The following SLC7A1 variants were observed in gnomAD, a reference collection of about 807,000 sequenced individuals.
SLC7A1 encodes the protein solute carrier family 7 member 1.
In SLC7A1, 10 loss-of-function variants were observed where a neutral mutation model predicts 53.9. The observed-to-expected ratio is 0.19, with a 90% CI of 0.11 to 0.31. SLC7A1 has a LOEUF of 0.31. SLC7A1 is among the 10% of genes least tolerant of loss of function. The pLI, the probability that SLC7A1 is intolerant of heterozygous loss-of-function variation, is 1.00. For synonymous variants in SLC7A1, 342 were observed against 338.7 expected (o/e 1.01, Z -0.11); for missense variants, 525 against 827.2 (o/e 0.63, Z 4.48).
At chr13:29,561,798 A>C (rs1246847019) in intron 1 of SLC7A1, among the ~76,000 whole-genome samples, 1 of 152,042 alleles carries the variant, frequency 6.6e-6, no homozygotes, top group Non-Finnish European at 1.5e-5. Flanking sequence ...CCCTTTTGTG[A>C]TGGGCCCCAC....
chr13:29,526,782 C>T (rs758232048), intron 5 of SLC7A1, among the ~76,000 whole-genome samples: 11 of 152,156 alleles, frequency 7.2e-5, no homozygotes, highest in African/African-American at 1.7e-4. Context: ...GAGCGCAAAG[C>T]GAGGAGGCAA....
intron 1 of SLC7A1, among the ~76,000 whole-genome samples, chr13:29,589,491 C>T (rs1462112721): frequency 1.3e-5 from 2 of 152,268 alleles, no homozygotes; most frequent in African/African-American, 4.8e-5. Context: ...CGGCTCCTGA[C>T]ACTGGCCACG....
At chr13:29,565,887 C>A (rs1228753517) in intron 1 of SLC7A1, among the ~76,000 whole-genome samples, 1 of 152,210 alleles carries the variant, frequency 6.6e-6, no homozygotes, top group Non-Finnish European at 1.5e-5. Context: ...AGCATCTATA[C>A]AGAGAAGGGA....
chr13:29,595,448 G>T lies in SLC7A1; in HGVS notation c.-147C>A. 1 of 151,626 alleles carries T rather than the reference G, an allele frequency of 6.6e-6. No individual in the cohort carries two copies. Among genetic ancestry groups the T allele is most frequent in the South Asian group, 2.0e-4 (1 of 5,036 alleles). 9.4% of individuals were successfully genotyped at this position (151,626 alleles called of 1,614,324 possible). On this transcript the variant is annotated 5_prime_UTR_variant, in exon 1 of 13. Coordinates refer to ENST00000380752, the MANE Select transcript of SLC7A1 (RefSeq NM_003045.5). The stretch of plus-strand genomic sequence containing the variant: ...GCGGCGGCGGGGCTCCGGCAGGATC[G>T]CGAACAGACAGACTGTCGGACGCGC...
In SLC7A1 at chr13:29,517,251, C is replaced by T. The variant is rs766497045; in HGVS notation, c.1570G>A (p.Gly524Arg). 6.2e-7 allele frequency: 1 copy of T among 1,613,446 alleles called. No individual in the cohort carries two copies. Among genetic ancestry groups the T allele is most frequent in the Non-Finnish European group, 8.5e-7 (1 of 1,179,748 alleles). ...AGCAGAAAGACTGCCCACAGCGCCC[C>T]TTTGGTGAGAGCCTCCCTTCCAAGC... ...TVLGREALTK[G>R]ALWAVFLLAG... is the part of the protein sequence containing the mutation. The change falls in exon 11 of 13, where the codon GGG (glycine) becomes AGG (arginine). Residue 524 changes from glycine to arginine, a missense_variant. Around this residue, in one of 4 missense-constraint regions of SLC7A1, gnomAD observed 122 missense variants for 140.9 expected, o/e 0.87. Transcript: ENST00000380752.
At chr13:29,516,099 A>G in intron 12 of SLC7A1, 39 bp downstream of exon 12, 1 of 1,301,552 alleles carries the variant, frequency 7.7e-7, no homozygotes, top group Non-Finnish European at 1.1e-6. Flanking sequence ...CCCCAGGGGA[A>G]GCCAGGATCT....
intron 2 of SLC7A1, among the ~76,000 whole-genome samples, chr13:29,547,166 AG>A (rs1453340444): frequency 1.3e-5 from 2 of 152,362 alleles, no homozygotes; most frequent in East Asian, 1.9e-4. Flanking sequence ...CAAATATAAA[AG>A]AGTCATGAGT....
At chr13:29,565,312 A>G (rs972805902) in intron 1 of SLC7A1, among the ~76,000 whole-genome samples, 1 of 152,176 alleles carries the variant, frequency 6.6e-6, no homozygotes, top group Non-Finnish European at 1.5e-5. Context: ...TACAAATACA[A>G]TACAGCAGGG....
intron 1 of SLC7A1, among the ~76,000 whole-genome samples, chr13:29,572,773 C>A (rs954405509): frequency 6.6e-6 from 1 of 152,108 alleles, no homozygotes; most frequent in South Asian, 2.1e-4. Flanking sequence ...CAGCACTGGG[C>A]GGGGAAGGTG....
chr13:29,545,437 G>A (rs112005973), intron 2 of SLC7A1, among the ~76,000 whole-genome samples: 2 of 152,076 alleles, frequency 1.3e-5, no homozygotes, highest in East Asian at 1.9e-4. Flanking sequence ...AAGGCACAAC[G>A]TCAAGGTCTC....
rs746610591 is a variant in SLC7A1, at chr13:29,546,558, C to T, written c.-15+7203G>A. Among the ~76,000 whole-genome samples the T allele has an allele frequency of 7.2e-5, 11 of 152,202 alleles. 1 individual carries two copies. Among genetic ancestry groups the T allele is most frequent in the Non-Finnish European group, 1.2e-4 (8 of 68,040 alleles). On this transcript the variant is annotated intron_variant, in intron 2 of 12. Coordinates refer to ENST00000380752, the MANE Select transcript of SLC7A1 (RefSeq NM_003045.5). ...TTAATTTTCACTGGACATTCACAGA[C>T]TGATATTTTCCCACTCACTCATTTA...
Position 29,523,270 on chromosome 13 carries a change from C to A in SLC7A1, c.1045G>T (p.Ala349Ser), listed in dbSNP as rs756051752. ...CACCACAGAAAGGCCTCTCACCTGGCGGAAAGAGCGCAGAGGGAGCCCACG... is the reference window on the plus strand; with the variant it reads ...CACCACAGAAAGGCCTCTCACCTGGAGGAAAGAGCGCAGAGGGAGCCCACG... ...VAVGSLCALS[A>S]SLLGSMFPMP... is the part of the protein sequence containing the mutation. Residue 349 changes from alanine (A) to serine (S), a missense_variant, in exon 7 of 13, where the codon GCC becomes TCC. Around this residue, in one of 4 missense-constraint regions of SLC7A1, gnomAD observed 354 missense variants for 587.5 expected, o/e 0.60. Coordinates refer to ENST00000380752, the MANE Select transcript of SLC7A1 (RefSeq NM_003045.5). The A allele has an allele frequency of 1.2e-6, 2 of 1,612,702 alleles. No individual in the cohort carries two copies. Among genetic ancestry groups the A allele is most frequent in the Non-Finnish European group, 1.7e-6 (2 of 1,179,782 alleles).
intron 1 of SLC7A1, among the ~76,000 whole-genome samples, chr13:29,576,536 T>C (rs1383339419): frequency 6.6e-6 from 1 of 152,080 alleles, no homozygotes; most frequent in Non-Finnish European, 1.5e-5. Context: ...AAATCAAACC[T>C]ATACTTGGTG....
Position 29,563,726 on chromosome 13 carries a change from TC to T in SLC7A1, c.-114-9867del, listed in dbSNP as rs200557309. Among the ~76,000 whole-genome samples the T allele has an allele frequency of 3.5e-3, 538 of 152,324 alleles. 4 individuals carry two copies. Among genetic ancestry groups the T allele is most frequent in the African/African-American group, 0.012 (505 of 41,578 alleles). Reference sequence around the variant, plus strand: ...GGACTGCCAGCACTACCCTGTGCTGTCCATGGGTCTCCCAGCACATGCAGGG... The same window carrying T: ...GGACTGCCAGCACTACCCTGTGCTGTCATGGGTCTCCCAGCACATGCAGGG... On this transcript the variant is annotated intron_variant, in intron 1 of 12. Coordinates refer to ENST00000380752, the MANE Select transcript of SLC7A1 (RefSeq NM_003045.5).
At chr13:29,524,584 C>T (rs1055587221) in intron 5 of SLC7A1, among the ~76,000 whole-genome samples, 9 of 152,330 alleles carry the variant, frequency 5.9e-5, no homozygotes, top group East Asian at 5.8e-4. Context: ...CGCGGCCAGT[C>T]CCACACCCTT....
At chr13:29,536,375 C>T (rs973241040) in intron 2 of SLC7A1, among the ~76,000 whole-genome samples, 173 bp from the exon 3 acceptor site, 1 of 152,218 alleles carries the variant, frequency 6.6e-6, no homozygotes. Context: ...GCAGACTTCT[C>T]CAGTTTCACC....
At chr13:29,581,997 T>C (rs553343573) in intron 1 of SLC7A1, among the ~76,000 whole-genome samples, 3 of 152,364 alleles carry the variant, frequency 2.0e-5, no homozygotes, top group South Asian at 2.1e-4. Context: ...CCAATCCTAA[T>C]TGCAACTCAT....
Position 29,516,162 on chromosome 13 carries a change from G to A in SLC7A1, c.1762C>T (p.Arg588Trp). The A allele has an allele frequency of 1.9e-6, 3 of 1,613,008 alleles. No homozygotes were observed. The highest frequency in any genetic ancestry group is 2.5e-6 in the Non-Finnish European group (3 of 1,179,238). The change falls in exon 12 of 13, where the codon CGG becomes TGG. Residue 588 changes from arginine to tryptophan, a missense_variant. Arg to Trp is a moderately radical substitution (Grantham distance 101). This residue lies in a region of SLC7A1 where 41 missense variants were observed against 61.3 expected (regional missense o/e 0.67). Coordinates refer to ENST00000380752, the MANE Select transcript of SLC7A1 (RefSeq NM_003045.5). ...MMQLDQGTWV[R>W]FAVWMLIGFI... ...CCTATCAGCATCCACACAGCAAACC[G>A]GACCCAGGTGCCCTGGTCCAGCTGC... is the stretch of plus-strand genomic sequence containing the variant.
intron 5 of SLC7A1, among the ~76,000 whole-genome samples, chr13:29,524,828 C>T (rs997378848): frequency 1.3e-5 from 2 of 152,186 alleles, no homozygotes; most frequent in South Asian, 2.1e-4. Context: ...CACTGGCCCA[C>T]GGGAGGGGCT....
Sources: allele counts gnomAD v4.1 joint callset (sites outside exome capture counted in the v4.1 genomes callset), GRCh38; gene constraint gnomAD v4.1.1; regional missense constraint gnomAD v4.1.1; transcripts MANE v1.5; gene names NCBI Gene and HGNC (gene_info 2026-07-23, HGNC 2026-07-21).